The following CNTROB variants were observed in gnomAD, a reference collection of about 807,000 sequenced individuals.
The protein encoded by CNTROB is centrobin.
A neutral mutation model predicts 115.7 loss-of-function variants in CNTROB; 82 were observed. That is an observed-to-expected ratio of 0.71 (90% CI 0.59 to 0.85). CNTROB has a LOEUF of 0.85. CNTROB is among the 40% of genes least tolerant of loss of function. The pLI is 0.00. For synonymous variants in CNTROB, 439 were observed against 456.4 expected (o/e 0.96, Z 0.49); for missense variants, 1,014 against 1,144.4 (o/e 0.89, Z 1.64).
chr17:7,947,176 A>AGAG (rs796210848), intron 13 of CNTROB, among the ~76,000 whole-genome samples: 80 of 148,646 alleles, frequency 5.4e-4, no homozygotes, highest in Middle Eastern at 3.5e-3. Flanking sequence ...AAAAAAAAAA[A>AGAG]AGAGAGATTA....
In CNTROB at chr17:7,933,167, G is replaced by A; in HGVS notation, c.88G>A (p.Val30Met). ...ATCAGAACCCCCTGGGCTCAACCAA[G>A]TGTCGTCTGAAGTGACCTCCCAGCT... ...DSSEPPGLNQ[V>M]SSEVTSQLYA... is the part of the protein sequence containing the mutation. Residue 30 changes from valine to methionine, a missense_variant, in exon 1 of 19, where the codon GTG becomes ATG. Coordinates refer to ENST00000563694, the MANE Select transcript of CNTROB (RefSeq NM_053051.5). 1 of 1,614,092 alleles carries A rather than the reference G, an allele frequency of 6.2e-7. No individual in the cohort carries two copies. Among genetic ancestry groups the A allele is most frequent in the Non-Finnish European group, 8.5e-7 (1 of 1,180,034 alleles).
intron 12 of CNTROB, 99 bp from the exon 13 acceptor site, chr17:7,945,629 C>T (rs1974440497): frequency 5.4e-6 from 7 of 1,305,990 alleles, no homozygotes; most frequent in Middle Eastern, 2.4e-4. Context: ...TGAGCCACTG[C>T]ATCCGGAAAT....
Position 7,934,523 on chromosome 17 carries a change from T to A in CNTROB, c.414T>A (p.Ser138Arg), listed in dbSNP as rs1386779089. ...GACGGGAAGAGGACTCCTTTGACAGTGATAGCACAGCCACCTTGCTCAAGT... is the reference window on the plus strand; with the variant it reads ...GACGGGAAGAGGACTCCTTTGACAGAGATAGCACAGCCACCTTGCTCAAGT... Reference protein sequence around the residue: ...SERREEDSFDSDSTATLLNTR... With the variant: ...SERREEDSFDRDSTATLLNTR... Residue 138 changes from serine to arginine, a missense_variant, in exon 3 of 19, where the codon AGT (serine) becomes AGA (arginine). Ser to Arg is a moderately radical substitution (Grantham distance 110, BLOSUM62 -1). Transcript: ENST00000563694. 6.2e-7 allele frequency: 1 copy of A among 1,614,126 alleles called. No homozygotes were observed. Among genetic ancestry groups the A allele is most frequent in the Non-Finnish European group, 8.5e-7 (1 of 1,179,964 alleles).
At position 7,933,309 on chromosome 17, in the gene CNTROB, G is replaced by C. The variant is rs1266420418; in HGVS notation, c.230G>C (p.Arg77Pro). The C allele has an allele frequency of 6.2e-7, 1 of 1,614,102 alleles. No homozygotes were observed. The highest frequency in any genetic ancestry group is 8.5e-7 in the Non-Finnish European group (1 of 1,179,984). The part of the protein sequence containing the change: ...GLDGFAQELS[R>P]SLSVGLEKNL... The stretch of plus-strand genomic sequence containing the variant: ...GACGGCTTCGCCCAAGAATTGAGTC[G>C]AAGCTTGTCAGTCGGATTGGAAAAG... Residue 77 changes from arginine to proline, a missense_variant, in exon 1 of 19, where the codon CGA (arginine) becomes CCA (proline). Transcript: ENST00000563694.
At position 7,934,564 on chromosome 17, in the gene CNTROB, T is replaced by A; in HGVS notation, c.437+18T>A. On this transcript the variant is annotated intron_variant, in intron 3 of 18. Coordinates refer to ENST00000563694, the MANE Select transcript of CNTROB (RefSeq NM_053051.5). ...TTGCTCAAGTGAGTTCTCCTTGTGGTTCTCCTAGCTTGTTTGCTTTCTTGG... is the reference window on the plus strand; with the variant it reads ...TTGCTCAAGTGAGTTCTCCTTGTGGATCTCCTAGCTTGTTTGCTTTCTTGG... 6.3e-7 allele frequency: 1 copy of A among 1,598,664 alleles called. No individual in the cohort carries two copies. The highest frequency in any genetic ancestry group is 8.6e-7 in the Non-Finnish European group (1 of 1,166,000).
chr17:7,934,863 T>C, intron 3 of CNTROB, 126 bp from the exon 4 acceptor site: 2 of 1,088,208 alleles, frequency 1.8e-6, no homozygotes, highest in Non-Finnish European at 2.6e-6. Flanking sequence ...TTATATAGCT[T>C]TACGACTTTG....
chr17:7,937,115 C>T, intron 6 of CNTROB, 49 bp from the exon 7 acceptor site: 1 of 1,606,516 alleles, frequency 6.2e-7, no homozygotes, highest in Non-Finnish European at 8.5e-7. Flanking sequence ...ATATAGCACA[C>T]ACAGATTTCC....
intron 14 of CNTROB, 34 bp downstream of exon 14, chr17:7,947,756 C>T: frequency 4.4e-6 from 7 of 1,601,042 alleles, no homozygotes; most frequent in Non-Finnish European, 6.0e-6. Flanking sequence ...AGCTCACTTT[C>T]TTCTTCCCTT....
At position 7,943,691 on chromosome 17, in the gene CNTROB, C is replaced by A; in HGVS notation, c.1445+167C>A. 1 of 702,936 alleles carries A rather than the reference C, an allele frequency of 1.4e-6. No individual in the cohort carries two copies. The highest frequency in any genetic ancestry group is 2.3e-6 in the Non-Finnish European group (1 of 440,096). The allele number at this position is 702,936 out of a possible 1,614,324, so 43.5% of individuals were successfully genotyped here. A position where few individuals can be genotyped will look rare whatever the true frequency, so the allele number is the denominator to read the frequency against. ...GTCTCTCTCGGGAGGGCTGCCTTCA[C>A]GCGTTCATGGAGAGCCAGAAGTGCC... On this transcript the variant is annotated intron_variant, in intron 10 of 18. Transcript: ENST00000563694. The surrounding 1 kb of genome is among the most constrained non-coding windows in gnomAD (Gnocchi z 4.7).
At chr17:7,935,296 G>C (rs544218868) in intron 4 of CNTROB, 151 bp downstream of exon 4, 1 of 1,190,560 alleles carries the variant, frequency 8.4e-7, no homozygotes, top group African/African-American at 1.5e-5. Context: ...GAGGTCAGGA[G>C]ATCGAGACCA....
chr17:7,945,954 T>C lies in CNTROB; in HGVS notation c.1961T>C (p.Leu654Pro), dbSNP rs1974491066. 6.2e-7 allele frequency: 1 copy of C among 1,614,078 alleles called. No homozygotes were observed. Among genetic ancestry groups the C allele is most frequent in the Admixed American group, 1.7e-5 (1 of 60,006 alleles). ...SFQSQHSFQP[L>P]EPKPDLTSST... ...CAGAGCCAGCATTCTTTCCAGCCCC[T>C]GGAGCCCAAACCAGACCTCACTTCA... Residue 654 changes from leucine to proline, a missense_variant, in exon 13 of 19, where the codon CTG (leucine) becomes CCG (proline). By Grantham distance (98) the Leu-to-Pro change is moderately conservative. Transcript: ENST00000563694.
rs775350452 is a variant in CNTROB at position 7,936,351 on chromosome 17, C to T, written c.595-15C>T. ...AAAGATGGGCAACACCCAGACTCCT[C>T]ACCCTTTTCCCCAGCATTGTGAGCG... On this transcript the variant is annotated splice_polypyrimidine_tract_variant and intron_variant, in intron 4 of 18. Coordinates refer to ENST00000563694, the MANE Select transcript of CNTROB (RefSeq NM_053051.5). The T allele has an allele frequency of 8.3e-6, 9 of 1,086,568 alleles. No homozygotes were observed. The South Asian group carries it at 9.9e-5, about 12-fold the overall frequency. 67.3% of individuals were successfully genotyped at this position (1,086,568 alleles called of 1,614,324 possible).
At chr17:7,935,185 A>G in intron 4 of CNTROB, 40 bp downstream of exon 4, 2 of 1,612,302 alleles carry the variant, frequency 1.2e-6, no homozygotes, top group South Asian at 2.2e-5. Context: ...AGCAAAGATT[A>G]GAAAGAGGGG....
rs754523561 is a variant in CNTROB at position 7,943,247 on chromosome 17, C to G, written c.1312-144C>G. The G allele has an allele frequency of 3.5e-5, 20 of 563,826 alleles. 1 individual carries two copies. The highest frequency in any genetic ancestry group is 5.8e-5 in the Non-Finnish European group (18 of 312,926). 34.9% of individuals were successfully genotyped at this position (563,826 alleles called of 1,614,324 possible). A position where few individuals can be genotyped will look rare whatever the true frequency, so the allele number is the denominator to read the frequency against. On this transcript the variant is annotated intron_variant, in intron 9 of 18. Coordinates refer to ENST00000563694, the MANE Select transcript of CNTROB (RefSeq NM_053051.5). This position sits in a 1 kb window ranked among gnomAD's most constrained non-coding sequence, Gnocchi z 4.7. ...CGAATATCTTAATAAGGAAAGGGAACCTCTTTCACTCCTTGAGGCAAAATT... is the reference window on the plus strand; with the variant it reads ...CGAATATCTTAATAAGGAAAGGGAAGCTCTTTCACTCCTTGAGGCAAAATT...
chr17:7,945,616 G>A (rs1484594800), intron 12 of CNTROB, 112 bp from the exon 13 acceptor site: 10 of 1,139,592 alleles, frequency 8.8e-6, no homozygotes, highest in Non-Finnish European at 1.1e-5. Flanking sequence ...GGGATTACAG[G>A]TGTGAGCCAC....
Position 7,943,335 on chromosome 17 carries a change from A to G in CNTROB, c.1312-56A>G. 2 of 1,389,112 alleles carry G rather than the reference A, an allele frequency of 1.4e-6. No homozygotes were observed. The highest frequency in any genetic ancestry group is 2.0e-6 in the Non-Finnish European group (2 of 989,538). The allele number at this position is 1,389,112 out of a possible 1,614,324, so 86.0% of individuals were successfully genotyped here. ...GGATTTTGTCTACATTATATCCTCC[A>G]TCCTCTTCTAAGCCCAAACAGATTT... On this transcript the variant is annotated intron_variant, in intron 9 of 18. Coordinates refer to ENST00000563694, the MANE Select transcript of CNTROB (RefSeq NM_053051.5). This position sits in a 1 kb window ranked among gnomAD's most constrained non-coding sequence, Gnocchi z 4.7.
intron 6 of CNTROB, 78 bp from the exon 7 acceptor site, chr17:7,937,086 A>G: frequency 1.3e-6 from 2 of 1,564,144 alleles, no homozygotes; most frequent in Middle Eastern, 3.4e-4. Flanking sequence ...TCAAGTTTAC[A>G]TTGTCAATGC....
rs1201065331 is a variant in CNTROB, at chr17:7,943,162, A to G, written c.1312-229A>G. ...GATTGCTCTGTCGAACATTTATTTT[A>G]GCTAAGAAATTTATGTCTTTCACCC... is the stretch of plus-strand genomic sequence containing the variant. On this transcript the variant is annotated intron_variant, in intron 9 of 18. Transcript: ENST00000563694. This position sits in a 1 kb window ranked among gnomAD's most constrained non-coding sequence, Gnocchi z 4.7. Among the ~76,000 whole-genome samples the G allele has an allele frequency of 1.3e-5, 2 of 152,134 alleles. No homozygotes were observed. Among genetic ancestry groups the G allele is most frequent in the Non-Finnish European group, 2.9e-5 (2 of 68,008 alleles).
rs370758006 is a variant in CNTROB at position 7,934,087 on chromosome 17, A to G, written c.271-51A>G. 1.8e-5 allele frequency: 26 copies of G among 1,470,142 alleles called. No individual in the cohort carries two copies. In the African/African-American group the frequency reaches 3.5e-4, roughly 20 times the overall value. 91.1% of individuals were successfully genotyped at this position (1,470,142 alleles called of 1,614,324 possible). A position where few individuals can be genotyped will look rare whatever the true frequency, so the allele number is the denominator to read the frequency against. On this transcript the variant is annotated intron_variant, in intron 1 of 18. Transcript: ENST00000563694. ...TGAAAATTCTACCCTGGCAATAGGT[A>G]GGAGATAGATAACACAGACTGCATC...
Sources: gnomAD v4.1 joint callset for allele counts (sites outside exome capture counted in the v4.1 genomes callset) on GRCh38, gnomAD v4.1.1 for gene constraint, Gnocchi (gnomAD v3.1) non-coding constraint, MANE v1.5 for transcripts, NCBI Gene and HGNC (gene_info 2026-07-23, HGNC 2026-07-21) for gene names.